The following FLNB variants were observed in gnomAD, a reference collection of about 807,000 sequenced individuals.
The protein encoded by FLNB is filamin B.
A neutral mutation model predicts 250.6 loss-of-function variants in FLNB; 111 were observed. That is an observed-to-expected ratio of 0.44 (90% CI 0.38 to 0.52). The LOEUF (loss-of-function observed/expected upper bound fraction) is 0.52, where lower values mean the gene tolerates loss of function less well. Among genes scored for constraint, FLNB ranks in the 20% least tolerant of loss-of-function variants. The probability of loss-of-function intolerance (pLI) is 0.00; values close to 1 mark genes in which losing one functional copy is unlikely to be tolerated. For missense variants in FLNB, 2,869 were observed against 3,447.8 expected (o/e 0.83, Z 4.20); for synonymous variants, 1,302 against 1,372.1 (o/e 0.95, Z 1.13).
At chr3:58,141,049 A>T (rs2097326109) in intron 29 of FLNB, among the ~76,000 whole-genome samples, 1 of 152,012 alleles carries the variant, frequency 6.6e-6, no homozygotes, top group Admixed American at 6.5e-5. Flanking sequence ...GGAGTTTAAG[A>T]CCAGCCTGGG....
intron 32 of FLNB, 40 bp downstream of exon 32, chr3:58,143,653 A>G: frequency 6.2e-7 from 1 of 1,612,000 alleles, no homozygotes; most frequent in Non-Finnish European, 8.5e-7. Flanking sequence ...TCCACCATTC[A>G]GGGGCATCCG....
chr3:58,155,314 C>T (rs1222046065), intron 40 of FLNB, among the ~76,000 whole-genome samples: 2 of 152,236 alleles, frequency 1.3e-5, no homozygotes, highest in African/African-American at 2.4e-5. Context: ...TGCCATCTGG[C>T]GAAGCCTATG....
chr3:58,075,694 T>C (rs1484544118), intron 1 of FLNB, among the ~76,000 whole-genome samples: 1 of 152,078 alleles, frequency 6.6e-6, no homozygotes, highest in African/African-American at 2.4e-5. Context: ...CAAAAATGTT[T>C]ATTGGGAGGG....
chr3:58,116,680 T>C (rs1576746959), intron 18 of FLNB, among the ~76,000 whole-genome samples: 1 of 152,060 alleles, frequency 6.6e-6, no homozygotes, highest in Non-Finnish European at 1.5e-5. Context: ...CTCCCAGAGG[T>C]CAAAGACTCG....
intron 1 of FLNB, among the ~76,000 whole-genome samples, chr3:58,062,082 C>T (rs2097179586): frequency 6.6e-6 from 1 of 152,054 alleles, no homozygotes; most frequent in Admixed American, 6.6e-5. Context: ...CAGAGCGAGA[C>T]TCCATTAAAA....
chr3:58,059,885 C>T (rs963084032), intron 1 of FLNB, among the ~76,000 whole-genome samples: 2 of 152,090 alleles, frequency 1.3e-5, no homozygotes, highest in Non-Finnish European at 2.9e-5. Context: ...CTGTGTACTC[C>T]CGTTTGGGTC....
Position 58,118,980 on chromosome 3 carries a change from C to T in FLNB, c.2854C>T (p.Leu952=). The stretch of plus-strand genomic sequence containing the variant: ...TCTGAGCAAGATAAAACTCAATGGG[C>T]TGGAAAACAGTAAGTGCCTGAATGG... ...LDLSKIKLNG[L]ENRVEVGKDQ... Residue 952 remains leucine (L), a synonymous_variant, in exon 19 of 46, where the codon CTG becomes TTG. Coordinates refer to ENST00000295956, the MANE Select transcript of FLNB (RefSeq NM_001457.4). The T allele has an allele frequency of 1.9e-6, 3 of 1,611,736 alleles. No homozygotes were observed. Among genetic ancestry groups the T allele is most frequent in the South Asian group, 1.1e-5 (1 of 91,016 alleles).
intron 4 of FLNB, among the ~76,000 whole-genome samples, chr3:58,087,557 G>A (rs570227063): frequency 7.3e-5 from 11 of 150,792 alleles, no homozygotes; most frequent in Non-Finnish European, 5.9e-5. Flanking sequence ...GGGTTCAAGC[G>A]TTCTCCTGCC....
In FLNB at chr3:58,094,319, C is replaced by T. The variant is rs536284856; in HGVS notation, c.788-517C>T. On this transcript the variant is annotated intron_variant, in intron 4 of 45. Coordinates refer to ENST00000295956, the MANE Select transcript of FLNB (RefSeq NM_001457.4). ...CTGACTTCAGGTGATCCACCTGCCTCAGCCTCCCAAAGTGCTGGGATTACA... is the reference window on the plus strand; with the variant it reads ...CTGACTTCAGGTGATCCACCTGCCTTAGCCTCCCAAAGTGCTGGGATTACA... Among the ~76,000 whole-genome samples, 18 of 152,366 alleles carry T rather than the reference C, an allele frequency of 1.2e-4. No homozygotes were observed. In the South Asian group the frequency reaches 3.3e-3, roughly 28 times the overall value.
intron 13 of FLNB, 98 bp downstream of exon 13, chr3:58,108,669 C>G (rs565081478): frequency 9.2e-6 from 7 of 760,250 alleles, no homozygotes; most frequent in Non-Finnish European, 1.7e-5. Flanking sequence ...TCAGTTTCCT[C>G]ATCTGCACCG....
chr3:58,142,773 C>CGA lies in FLNB; in HGVS notation c.5284+21_5284+22insGA. On this transcript the variant is annotated intron_variant, in intron 31 of 45. Coordinates refer to ENST00000295956, the MANE Select transcript of FLNB (RefSeq NM_001457.4). This position sits in a 1 kb window ranked among gnomAD's most constrained non-coding sequence, Gnocchi z 4.3. The stretch of plus-strand genomic sequence containing the variant: ...CACTGGTAAGCACTTGCCATAAAGG[C>CGA]CGTCTCATTCTCACTTGCTCTCACG... The CGA allele has an allele frequency of 6.3e-7, 1 of 1,593,612 alleles. No homozygotes were observed. The highest frequency in any genetic ancestry group is 8.6e-7 in the Non-Finnish European group (1 of 1,161,420).
intron 1 of FLNB, among the ~76,000 whole-genome samples, chr3:58,040,073 A>G (rs889113695): frequency 2.0e-5 from 3 of 152,154 alleles, no homozygotes; most frequent in Admixed American, 1.3e-4. Flanking sequence ...TGAACCTGGG[A>G]GGCAGAGGTT....
chr3:58,134,529 C>T, intron 26 of FLNB, 87 bp from the exon 27 acceptor site: 1 of 1,488,478 alleles, frequency 6.7e-7, no homozygotes, highest in Non-Finnish European at 9.4e-7. Context: ...CCTTTTCCAT[C>T]CCACTCTTAT....
chr3:58,080,405 G>A (rs1249044437), intron 3 of FLNB, among the ~76,000 whole-genome samples: 2 of 152,122 alleles, frequency 1.3e-5, no homozygotes, highest in African/African-American at 2.4e-5. Context: ...CTGAAACTGA[G>A]GTGGTGGCAC....
In FLNB at chr3:58,154,911, A is replaced by T. The variant is rs200567066; in HGVS notation, c.6755A>T (p.Tyr2252Phe). 641 of 1,614,094 alleles carry T rather than the reference A, an allele frequency of 4.0e-4. 8 individuals are homozygous for T. In the South Asian group the frequency reaches 6.6e-3, roughly 17 times the overall value. Residue 2252 changes from tyrosine to phenylalanine, a missense_variant, in exon 40 of 46, where the codon TAT becomes TTT. Coordinates refer to ENST00000295956, the MANE Select transcript of FLNB (RefSeq NM_001457.4). ...AAAAATGGGTCGTGCGGTGTATCTT[A>T]TATTGCCCAAGAGCCTGGTATGTAT... ...DHKNGSCGVS[Y>F]IAQEPGNYEV...
chr3:58,097,424 T>C (rs960359168), intron 6 of FLNB, among the ~76,000 whole-genome samples: 1 of 152,184 alleles, frequency 6.6e-6, no homozygotes, highest in African/African-American at 2.4e-5. Context: ...ATGATTTTCG[T>C]CCCTTGAAAA....
chr3:58,090,564 G>GTA (rs1414969346), intron 4 of FLNB, among the ~76,000 whole-genome samples: 2 of 152,130 alleles, frequency 1.3e-5, no homozygotes, highest in Non-Finnish European at 2.9e-5. Flanking sequence ...AATGCGATGC[G>GTA]TTACTGTGAC....
chr3:58,147,930 G>A (rs536131727), intron 34 of FLNB, among the ~76,000 whole-genome samples: 1 of 152,186 alleles, frequency 6.6e-6, no homozygotes. Context: ...AAAGTGTTGG[G>A]ATTAGGCACC....
chr3:58,102,186 C>G lies in FLNB; in HGVS notation c.1346-17C>G, dbSNP rs761812952. ...AAAGAATGAAAGATTGAATTGATGTCAAAACTGTGCTTGCAGCCTGCAATC... is the reference window on the plus strand; with the variant it reads ...AAAGAATGAAAGATTGAATTGATGTGAAAACTGTGCTTGCAGCCTGCAATC... On this transcript the variant is annotated splice_polypyrimidine_tract_variant and intron_variant, in intron 8 of 45. Transcript: ENST00000295956. 6.2e-7 allele frequency: 1 copy of G among 1,614,008 alleles called. No individual in the cohort carries two copies. Among genetic ancestry groups the G allele is most frequent in the Non-Finnish European group, 8.5e-7 (1 of 1,180,010 alleles).
Sources: gnomAD v4.1 joint callset for allele counts (sites outside exome capture counted in the v4.1 genomes callset) on GRCh38, gnomAD v4.1.1 for gene constraint, Gnocchi (gnomAD v3.1) non-coding constraint, MANE v1.5 for transcripts, NCBI Gene and HGNC (gene_info 2026-07-23, HGNC 2026-07-21) for gene names.